Variants in MAFK observed in about 807,000 individuals in gnomAD.
The protein encoded by MAFK is MAF bZIP transcription factor K.
Under a neutral mutation model 9.2 loss-of-function variants are expected in MAFK, and 1 was observed. The ratio of observed to expected loss-of-function variants is 0.11; its 90% CI spans 0.04 to 0.52. The LOEUF is 0.52. MAFK is among the 20% of genes least tolerant of loss of function. The pLI is 0.94. For missense variants in MAFK, 207 were observed against 236.0 expected (o/e 0.88, Z 0.81); for synonymous variants, 110 against 107.4 (o/e 1.02, Z -0.15).
intron 1 of MAFK, among the ~76,000 whole-genome samples, chr7:1,536,420 T>A (rs1784031253): frequency 6.6e-6 from 1 of 152,170 alleles, no homozygotes; most frequent in African/African-American, 2.4e-5. Context: ...AGCCCCTGCC[T>A]TGGGCCCGGG....
intron 1 of MAFK, among the ~76,000 whole-genome samples, chr7:1,536,594 G>A (rs1368656370): frequency 6.6e-6 from 1 of 152,218 alleles, no homozygotes; most frequent in Non-Finnish European, 1.5e-5. Flanking sequence ...TAGGGCAGTC[G>A]TCATTTTTAG....
rs976911445 is a variant in MAFK at position 1,534,666 on chromosome 7, G to A, written c.-45+3768G>A. 1.5e-5 allele frequency: 7 copies of A among 455,844 alleles called. No homozygotes were observed. The highest frequency in any genetic ancestry group is 1.4e-4 in the African/African-American group (7 of 50,054). 28.2% of individuals were successfully genotyped at this position (455,844 alleles called of 1,614,324 possible). A position where few individuals can be genotyped will look rare whatever the true frequency, so the allele number is the denominator to read the frequency against. ...CCGTCTTGGTCAGACTGGCTGGGCA[G>A]CTGAGGGGGTGGGGCATGGAGTCTG... On this transcript the variant is annotated intron_variant, in intron 1 of 2. Coordinates refer to ENST00000343242, the MANE Select transcript of MAFK (RefSeq NM_002360.4). The surrounding 1 kb of genome is among the most constrained non-coding windows in gnomAD (Gnocchi z 4.3).
chr7:1,542,892 A>T lies in MAFK; in HGVS notation c.*2517A>T, dbSNP rs1368708877. On this transcript the variant is annotated 3_prime_UTR_variant, in exon 3 of 3. Coordinates refer to ENST00000343242, the MANE Select transcript of MAFK (RefSeq NM_002360.4). ...ATTTTTTGTGCTGCTTTTTATCATG[A>T]TATAAATTATTGAAAACAGATCACA... 6.6e-6 allele frequency: 1 copy of T among 152,590 alleles called. No homozygotes were observed. The highest frequency in any genetic ancestry group is 1.9e-4 in the East Asian group (1 of 5,186). The allele number at this position is 152,590 out of a possible 1,614,324, so 9.5% of individuals were successfully genotyped here. A position where few individuals can be genotyped will look rare whatever the true frequency, so the allele number is the denominator to read the frequency against.
chr7:1,532,809 G>A lies in MAFK; in HGVS notation c.-45+1911G>A, dbSNP rs1783933945. On this transcript the variant is annotated intron_variant, in intron 1 of 2. Coordinates refer to ENST00000343242, the MANE Select transcript of MAFK (RefSeq NM_002360.4). This position sits in a 1 kb window ranked among gnomAD's most constrained non-coding sequence, Gnocchi z 4.5. ...CTGTTCTTGTCCCAGCTGTTTCTGA[G>A]TCTAAAGGTTTCTGGAGTGGACTTT... Among the ~76,000 whole-genome samples, 1 of 152,162 alleles carries A rather than the reference G, an allele frequency of 6.6e-6. No homozygotes were observed. The highest frequency in any genetic ancestry group is 1.5e-5 in the Non-Finnish European group (1 of 68,036).
intron 1 of MAFK, among the ~76,000 whole-genome samples, chr7:1,533,495 C>G (rs1053143914): frequency 6.6e-6 from 1 of 152,144 alleles, no homozygotes; most frequent in African/African-American, 2.4e-5. Flanking sequence ...ACCACGTGCT[C>G]TCTGCAGATG....
chr7:1,538,959 G>T, intron 1 of MAFK, 190 bp from the exon 2 acceptor site: 1 of 565,404 alleles, frequency 1.8e-6, no homozygotes, highest in Non-Finnish European at 3.1e-6. Context: ...ACAGAGGCCG[G>T]GCCAGGATGC....
intron 1 of MAFK, among the ~76,000 whole-genome samples, chr7:1,533,718 A>T (rs1277254228): frequency 6.6e-6 from 1 of 151,094 alleles, no homozygotes; most frequent in East Asian, 2.0e-4. Context: ...GAGGGCTGGG[A>T]TCAAGCCTGG....
In MAFK at chr7:1,539,159, C is replaced by A. The variant is rs202081803; in HGVS notation, c.-34C>A. ...GTCCATGTTTTCCAGCTACGAGTTC[C>A]AGGGAGCTCTGTCCTGGTGACCGTG... On this transcript the variant is annotated 5_prime_UTR_variant, in exon 2 of 3. Coordinates refer to ENST00000343242, the MANE Select transcript of MAFK (RefSeq NM_002360.4). The A allele has an allele frequency of 1.4e-5, 22 of 1,612,922 alleles. No individual in the cohort carries two copies. Among genetic ancestry groups the A allele is most frequent in the Non-Finnish European group, 1.9e-5 (22 of 1,179,450 alleles).
At position 1,540,467 on chromosome 7, in the gene MAFK, C is replaced by T. The variant is rs913380196; in HGVS notation, c.*92C>T. ...TACCTGTCACTGGGATGCAGACTCT[C>T]GACATCCGAGTCCAAGCGCAGGCCC... On this transcript the variant is annotated 3_prime_UTR_variant, in exon 3 of 3. Transcript: ENST00000343242. 1.7e-5 allele frequency: 21 copies of T among 1,255,484 alleles called. 1 individual carries two copies. Among genetic ancestry groups the T allele is most frequent in the African/African-American group, 6.1e-5 (4 of 66,082 alleles). 77.8% of individuals were successfully genotyped at this position (1,255,484 alleles called of 1,614,324 possible). A position where few individuals can be genotyped will look rare whatever the true frequency, so the allele number is the denominator to read the frequency against.
chr7:1,539,470 C>T (rs1206281020), intron 2 of MAFK, among the ~76,000 whole-genome samples: 1 of 152,184 alleles, frequency 6.6e-6, no homozygotes, highest in African/African-American at 2.4e-5. Flanking sequence ...GCCTTCCCGC[C>T]TGGGCTGTGT....
In MAFK at chr7:1,539,140, G is replaced by C; in HGVS notation, c.-44-9G>C. On this transcript the variant is annotated splice_polypyrimidine_tract_variant and intron_variant, in intron 1 of 2. Transcript: ENST00000343242. ...TGTGCTGGCTTCTCTGCTTGTCCAT[G>C]TTTTCCAGCTACGAGTTCCAGGGAG... 1 of 1,611,986 alleles carries C rather than the reference G, an allele frequency of 6.2e-7. No individual in the cohort carries two copies. Among genetic ancestry groups the C allele is most frequent in the Non-Finnish European group, 8.5e-7 (1 of 1,178,700 alleles).
chr7:1,537,611 T>C (rs1784062938), intron 1 of MAFK: 1 of 985,476 alleles, frequency 1.0e-6, no homozygotes, highest in Admixed American at 6.1e-5. Flanking sequence ...GCTGGTGCCA[T>C]CCTGTGCCAT....
At chr7:1,538,224 G>T (rs945118224) in intron 1 of MAFK, 4 of 974,946 alleles carry the variant, frequency 4.1e-6, no homozygotes, top group South Asian at 4.7e-5. Context: ...TGAATGATTA[G>T]AATGTGTGAC....
rs116602172 is a variant in MAFK at position 1,532,859 on chromosome 7, G to A, written c.-45+1961G>A. 2.7e-3 allele frequency among the ~76,000 whole-genome samples: 409 copies of A among 152,246 alleles called. No individual in the cohort carries two copies. Among genetic ancestry groups the A allele is most frequent in the African/African-American group, 9.3e-3 (385 of 41,532 alleles). On this transcript the variant is annotated intron_variant, in intron 1 of 2. Coordinates refer to ENST00000343242, the MANE Select transcript of MAFK (RefSeq NM_002360.4). This position sits in a 1 kb window ranked among gnomAD's most constrained non-coding sequence, Gnocchi z 4.5. ...TCTGGGTTTCGGGTCCAGTCCACACGGGAAATGGAAATCTGGCCAGCTGAG... is the reference window on the plus strand; with the variant it reads ...TCTGGGTTTCGGGTCCAGTCCACACAGGAAATGGAAATCTGGCCAGCTGAG...
rs1441102294 is a variant in MAFK at position 1,532,622 on chromosome 7, C to G, written c.-45+1724C>G. Among the ~76,000 whole-genome samples, 1 of 152,184 alleles carries G rather than the reference C, an allele frequency of 6.6e-6. No homozygotes were observed. The stretch of plus-strand genomic sequence containing the variant: ...AGGGTCAGGGTTGTCGGGGCGCCAG[C>G]CTTTGTGTGCACCCGGGAGGCTGCT... On this transcript the variant is annotated intron_variant, in intron 1 of 2. Transcript: ENST00000343242. The surrounding 1 kb of genome is among the most constrained non-coding windows in gnomAD (Gnocchi z 4.5).
At chr7:1,537,670 C>T (rs1439323479) in intron 1 of MAFK, 50 of 985,412 alleles carry the variant, frequency 5.1e-5, no homozygotes, top group East Asian at 3.4e-4. Context: ...GCAGCGGACT[C>T]GGCAGCCTGG....
chr7:1,538,227 T>C lies in MAFK; in HGVS notation c.-44-922T>C, dbSNP rs1046070491. ...CTGGGTTTTTCATGAATGATTAGAA[T>C]GTGTGACACAATGCAGACGTGAGGA... On this transcript the variant is annotated intron_variant, in intron 1 of 2. Coordinates refer to ENST00000343242, the MANE Select transcript of MAFK (RefSeq NM_002360.4). 1.0e-5 allele frequency: 10 copies of C among 975,464 alleles called. No individual in the cohort carries two copies. The African/African-American group carries it at 1.4e-4, about 14-fold the overall frequency. The allele number at this position is 975,464 out of a possible 1,614,324, so 60.4% of individuals were successfully genotyped here.
intron 1 of MAFK, chr7:1,538,252 A>ACGGCGGGGGCGG: frequency 1.0e-6 from 1 of 985,152 alleles, no homozygotes; most frequent in Non-Finnish European, 1.2e-6. Flanking sequence ...AGACGTGAGG[A>ACGGCGGGGGCGG]CGGCGGGGGC....
chr7:1,536,714 T>G (rs765293183), intron 1 of MAFK, among the ~76,000 whole-genome samples: 3 of 152,258 alleles, frequency 2.0e-5, no homozygotes, highest in Non-Finnish European at 2.9e-5. Flanking sequence ...GACATTAGGT[T>G]AAGGCTACTT....
Sources: gnomAD v4.1 joint callset for allele counts (sites outside exome capture counted in the v4.1 genomes callset) on GRCh38, gnomAD v4.1.1 for gene constraint, Gnocchi (gnomAD v3.1) non-coding constraint, MANE v1.5 for transcripts, NCBI Gene and HGNC (gene_info 2026-07-23, HGNC 2026-07-21) for gene names.